BCAS3: variants seen among roughly 807,000 people sequenced by gnomAD.
BCAS3 encodes BCAS4/BCAS3 fusion.
In BCAS3, 53 loss-of-function variants were observed where a neutral mutation model predicts 116.1. The ratio of observed to expected loss-of-function variants is 0.46; its 90% confidence interval spans 0.37 to 0.57. The LOEUF (loss-of-function observed/expected upper bound fraction) is 0.57. BCAS3 is among the 20% of genes least tolerant of loss of function. BCAS3 has a pLI of 0.00. For missense variants in BCAS3, 917 were observed against 1,165.4 expected (o/e 0.79, Z 3.10); for synonymous variants, 391 against 408.2 (o/e 0.96, Z 0.51).
rs1402924039 is a variant in BCAS3, at chr17:61,325,171, A to G, written c.2426-43156A>G. On this transcript the variant is annotated intron_variant, in intron 22 of 23. Transcript: ENST00000407086. This position sits in a 1 kb window ranked among gnomAD's most constrained non-coding sequence, Gnocchi z 6.4. ...TGACTCTGTGTCTCTGTGGACCACA[A>G]CAGGACCACAGGCTGTTACACAGTT... Among the ~76,000 whole-genome samples, 1 of 152,200 alleles carries G rather than the reference A, an allele frequency of 6.6e-6. No homozygotes were observed. The highest frequency in any genetic ancestry group is 6.5e-5 in the Admixed American group (1 of 15,284).
intron 6 of BCAS3, among the ~76,000 whole-genome samples, chr17:60,754,386 T>C (rs1346478097): frequency 6.6e-6 from 1 of 151,956 alleles, no homozygotes; most frequent in African/African-American, 2.4e-5. Context: ...GGAGTCTTGC[T>C]CTGTCACCCA....
In BCAS3 at chr17:61,339,930, G is replaced by A. The variant is rs1053601693; in HGVS notation, c.2426-28397G>A. 9.2e-5 allele frequency among the ~76,000 whole-genome samples: 14 copies of A among 152,302 alleles called. No homozygotes were observed. The East Asian group carries it at 2.3e-3, about 25-fold the overall frequency. ...AAGCACACTTGACCTGCTGAAAGAT[G>A]AGGCCAGATGATAACTGAGAAATGG... is the stretch of plus-strand genomic sequence containing the variant. On this transcript the variant is annotated intron_variant, in intron 22 of 23. Transcript: ENST00000407086. This position sits in a 1 kb window ranked among gnomAD's most constrained non-coding sequence, Gnocchi z 4.4.
chr17:60,990,868 G>A lies in BCAS3; in HGVS notation c.1486+633G>A, dbSNP rs2063485530. The stretch of plus-strand genomic sequence containing the variant: ...TCACTATGTTGGCCAGGCTTGTCTT[G>A]AACTCCTGACCTTGTGATCCACCTG... On this transcript the variant is annotated intron_variant, in intron 15 of 23. Transcript: ENST00000407086. The surrounding 1 kb of genome is among the most constrained non-coding windows in gnomAD (Gnocchi z 5.1). Among the ~76,000 whole-genome samples the A allele has an allele frequency of 6.6e-6, 1 of 152,086 alleles. No individual in the cohort carries two copies. Among genetic ancestry groups the A allele is most frequent in the Admixed American group, 6.6e-5 (1 of 15,264 alleles).
chr17:61,146,503 C>T (rs557711655), intron 22 of BCAS3, among the ~76,000 whole-genome samples: 4 of 152,232 alleles, frequency 2.6e-5, no homozygotes, highest in Non-Finnish European at 4.4e-5. Flanking sequence ...TGACTGAGCT[C>T]TTAGGAGTGT....
chr17:61,180,151 A>G lies in BCAS3; in HGVS notation c.2425+95587A>G, dbSNP rs527857364. 1.3e-5 allele frequency among the ~76,000 whole-genome samples: 2 copies of G among 152,280 alleles called. No homozygotes were observed. Among genetic ancestry groups the G allele is most frequent in the South Asian group, 4.2e-4 (2 of 4,818 alleles). ...TGAGTGCACCATTTTGCCAAACATC[A>G]TTAAGTCATTAGTGTAAGGGACTTG... On this transcript the variant is annotated intron_variant, in intron 22 of 23. Transcript: ENST00000407086. The surrounding 1 kb of genome is among the most constrained non-coding windows in gnomAD (Gnocchi z 6.0).
chr17:60,790,722 CATT>C (rs781267485), intron 6 of BCAS3, among the ~76,000 whole-genome samples: 9 of 144,094 alleles, frequency 6.2e-5, no homozygotes, highest in Non-Finnish European at 9.1e-5. Flanking sequence ...TATTCATAAA[CATT>C]AGTTGTGTTT....
At chr17:61,184,559 A>G (rs2079658035) in intron 22 of BCAS3, among the ~76,000 whole-genome samples, 1 of 152,192 alleles carries the variant, frequency 6.6e-6, no homozygotes, top group African/African-American at 2.4e-5. Context: ...GGTTTCTTAT[A>G]AAGTTAAATA....
rs547125425 is a variant in BCAS3 at position 61,202,210 on chromosome 17, T to C, written c.2425+117646T>C. Among the ~76,000 whole-genome samples, 7 of 148,230 alleles carry C rather than the reference T, an allele frequency of 4.7e-5. No individual in the cohort carries two copies. The South Asian group carries it at 1.5e-3, about 32-fold the overall frequency. On this transcript the variant is annotated intron_variant, in intron 22 of 23. Coordinates refer to ENST00000407086, the MANE Select transcript of BCAS3 (RefSeq NM_017679.5). ...TGGAGTGCAGTGGTGTGATCTCAGC[T>C]CACTACAAGCTCTGCCTCCCGGGTT...
rs374844045 is a variant in BCAS3 at position 61,318,612 on chromosome 17, C to T, written c.2426-49715C>T. On this transcript the variant is annotated intron_variant, in intron 22 of 23. Transcript: ENST00000407086. ...TGACGGGTTATTTCCCGTGTTTCTC[C>T]CCACCCTGCAGTGAGGCAGCAGCCT... Among the ~76,000 whole-genome samples the T allele has an allele frequency of 4.6e-5, 7 of 152,290 alleles. No homozygotes were observed. The South Asian group carries it at 1.5e-3, about 32-fold the overall frequency.
chr17:60,759,626 ACTT>A (rs140401549), intron 6 of BCAS3, among the ~76,000 whole-genome samples: 20,536 of 83,426 alleles, frequency 0.25, 1,879 homozygotes, highest in South Asian at 0.41. Context: ...TTACATAGTG[ACTT>A]CTTTTTTTTT....
intron 19 of BCAS3, among the ~76,000 whole-genome samples, chr17:61,045,420 A>C (rs1204297010): frequency 2.0e-5 from 3 of 151,344 alleles, no homozygotes; most frequent in Admixed American, 6.6e-5. Flanking sequence ...CTGAGGTAGG[A>C]GGATCACTTG....
Position 60,990,708 on chromosome 17 carries a change from G to T in BCAS3, c.1486+473G>T, listed in dbSNP as rs776560231. 6.6e-6 allele frequency among the ~76,000 whole-genome samples: 1 copy of T among 151,658 alleles called. No homozygotes were observed. The highest frequency in any genetic ancestry group is 1.5e-5 in the Non-Finnish European group (1 of 67,968). Reference sequence around the variant, plus strand: ...GTAGCCTGGGCTGGCATGCAATGGCGTGATCTCGGCTGACTGCAACCTCTA... The same window carrying T: ...GTAGCCTGGGCTGGCATGCAATGGCTTGATCTCGGCTGACTGCAACCTCTA... On this transcript the variant is annotated intron_variant, in intron 15 of 23. Coordinates refer to ENST00000407086, the MANE Select transcript of BCAS3 (RefSeq NM_017679.5). The surrounding 1 kb of genome is among the most constrained non-coding windows in gnomAD (Gnocchi z 5.1).
At chr17:60,954,810 T>C (rs2061038076) in intron 14 of BCAS3, among the ~76,000 whole-genome samples, 1 of 152,206 alleles carries the variant, frequency 6.6e-6, no homozygotes, top group African/African-American at 2.4e-5. Context: ...TATATCTGTT[T>C]TATTCTTCAC....
chr17:61,372,196 T>C (rs974835937), intron 23 of BCAS3, among the ~76,000 whole-genome samples: 1 of 152,150 alleles, frequency 6.6e-6, no homozygotes, highest in African/African-American at 2.4e-5. Flanking sequence ...GTTTTCCTCA[T>C]AGCCCCGCCC....
chr17:60,938,799 A>G (rs1026811729), intron 13 of BCAS3, among the ~76,000 whole-genome samples: 3 of 152,190 alleles, frequency 2.0e-5, no homozygotes, highest in African/African-American at 7.2e-5. Context: ...AAGATTTTAA[A>G]CAATCATGTC....
intron 16 of BCAS3, among the ~76,000 whole-genome samples, chr17:61,022,436 G>A (rs1186372461): frequency 6.6e-6 from 1 of 151,926 alleles, no homozygotes; most frequent in Non-Finnish European, 1.5e-5. Flanking sequence ...AGTAGAGATG[G>A]GGTTTCACTG....
At chr17:60,806,351 T>G (rs1411861983) in intron 6 of BCAS3, among the ~76,000 whole-genome samples, 1 of 152,214 alleles carries the variant, frequency 6.6e-6, no homozygotes, top group African/African-American at 2.4e-5. Flanking sequence ...CATCTTTCAC[T>G]TGGGGGCTTC....
intron 6 of BCAS3, among the ~76,000 whole-genome samples, chr17:60,802,665 G>A (rs913184340): frequency 6.6e-6 from 1 of 152,058 alleles, no homozygotes; most frequent in Non-Finnish European, 1.5e-5. Flanking sequence ...TTTTGAGATG[G>A]AGTTTCACTC....
rs2051085933 is a variant in BCAS3, at chr17:61,279,794, AG to A, written c.2426-88531del. 6.6e-6 allele frequency among the ~76,000 whole-genome samples: 1 copy of A among 151,052 alleles called. No individual in the cohort carries two copies. Among genetic ancestry groups the A allele is most frequent in the Non-Finnish European group, 1.5e-5 (1 of 67,846 alleles). On this transcript the variant is annotated intron_variant, in intron 22 of 23. Transcript: ENST00000407086. This position sits in a 1 kb window ranked among gnomAD's most constrained non-coding sequence, Gnocchi z 4.4. Reference sequence around the variant, plus strand: ...TGAGTGAAGAAAAAAAAAAAAAACTAGGCAGGTAACCACAAGCCAAGTTGGG... The same window carrying A: ...TGAGTGAAGAAAAAAAAAAAAAACTAGCAGGTAACCACAAGCCAAGTTGGG...
Sources: allele counts gnomAD v4.1 joint callset (sites outside exome capture counted in the v4.1 genomes callset), GRCh38; gene constraint gnomAD v4.1.1; non-coding constraint Gnocchi (gnomAD v3.1); transcripts MANE v1.5; gene names NCBI Gene and HGNC (gene_info 2026-07-23, HGNC 2026-07-21).